Variants in DNAJC11 observed in about 807,000 individuals in gnomAD.
DNAJC11 encodes the protein DnaJ heat shock protein family (Hsp40) member C11.
In DNAJC11, 15 loss-of-function variants were observed where a neutral mutation model predicts 78.6. The observed-to-expected ratio is 0.19, with a 90% confidence interval of 0.13 to 0.29. The LOEUF (loss-of-function observed/expected upper bound fraction) is 0.29, where lower values mean the gene tolerates loss of function less well. DNAJC11 is among the 10% of genes least tolerant of loss of function. The pLI, the probability that DNAJC11 is intolerant of heterozygous loss-of-function variation, is 1.00. For synonymous variants in DNAJC11, 292 were observed against 272.1 expected (o/e 1.07, Z -0.72); for missense variants, 547 against 709.6 (o/e 0.77, Z 2.60).
intron 4 of DNAJC11, among the ~76,000 whole-genome samples, chr1:6,660,930 C>A (rs2281190): frequency 0.36 from 55,208 of 152,084 alleles, 10,391 homozygotes; most frequent in African/African-American, 0.43. Context: ...TATTTGTACT[C>A]GTTGAGTAGA....
chr1:6,659,160 T>A (rs897633823), intron 4 of DNAJC11, among the ~76,000 whole-genome samples: 7 of 152,336 alleles, frequency 4.6e-5, no homozygotes, highest in Admixed American at 3.9e-4. Flanking sequence ...GACTTGTTGC[T>A]ATTGGTTCTT....
intron 4 of DNAJC11, among the ~76,000 whole-genome samples, chr1:6,661,177 G>C (rs1179104315): frequency 6.6e-6 from 1 of 152,270 alleles, no homozygotes; most frequent in African/African-American, 2.4e-5. Context: ...CTGGCCATGA[G>C]GGTAACATAA....
intron 7 of DNAJC11, chr1:6,651,095 C>A (rs756759755): frequency 2.2e-5 from 12 of 534,780 alleles, no homozygotes; most frequent in Non-Finnish European, 3.4e-5. Flanking sequence ...ATGGCAGCAG[C>A]AGAGACGACA....
At chr1:6,684,818 G>A (rs1354052190) in intron 1 of DNAJC11, among the ~76,000 whole-genome samples, 1 of 152,148 alleles carries the variant, frequency 6.6e-6, no homozygotes, top group Non-Finnish European at 1.5e-5. Context: ...ATTAAGAAAT[G>A]TATCATACTT....
chr1:6,676,771 A>G (rs1184222624), intron 3 of DNAJC11, among the ~76,000 whole-genome samples: 1 of 152,206 alleles, frequency 6.6e-6, no homozygotes, highest in Non-Finnish European at 1.5e-5. Context: ...AAGGCAGGAA[A>G]GGAAATAGGA....
intron 3 of DNAJC11, among the ~76,000 whole-genome samples, chr1:6,669,331 G>GT (rs1642340634): frequency 6.6e-6 from 1 of 150,968 alleles, no homozygotes. Flanking sequence ...CCAACATGGT[G>GT]AAACCCTGTC....
rs1489945668 is a variant in DNAJC11 at position 6,653,937 on chromosome 1, T to C, written c.481A>G (p.Lys161Glu). ...GSSFPQIEIN[K>E]MHISQSIEAP... ...TCAATGGACTGGGATATGTGCATTT[T>C]ATTAATTTCAATCTGCGGAAAGCTA... is the stretch of plus-strand genomic sequence containing the variant. Residue 161 changes from lysine (K) to glutamate (E), a missense_variant, in exon 5 of 16, where the codon AAA (lysine) becomes GAA (glutamate). Transcript: ENST00000377577. This position sits in a 1 kb window ranked among gnomAD's most constrained non-coding sequence, Gnocchi z 4.5. The C allele has an allele frequency of 6.2e-7, 1 of 1,613,194 alleles. No individual in the cohort carries two copies. The highest frequency in any genetic ancestry group is 1.1e-5 in the South Asian group (1 of 91,076).
At chr1:6,647,966 T>G (rs551991582) in intron 7 of DNAJC11, among the ~76,000 whole-genome samples, 10 of 152,284 alleles carry the variant, frequency 6.6e-5, no homozygotes, top group Non-Finnish European at 1.2e-4. Context: ...AACCTGTAAA[T>G]GCTGATGATC....
chr1:6,686,156 A>G (rs943347447), intron 1 of DNAJC11, among the ~76,000 whole-genome samples: 13 of 152,248 alleles, frequency 8.5e-5, no homozygotes, highest in African/African-American at 2.7e-4. Context: ...ATCGATAGCT[A>G]TAATTCACAT....
In DNAJC11 at chr1:6,654,097, A is replaced by G. The variant is rs889783298; in HGVS notation, c.379-58T>C. On this transcript the variant is annotated intron_variant, in intron 4 of 15. Coordinates refer to ENST00000377577, the MANE Select transcript of DNAJC11 (RefSeq NM_018198.4). ...GGTGGTATTTGTGGAATGAAAGACA[A>G]TGCTACACTTCAACAGCCAGCTCGC... 1.1e-5 allele frequency: 17 copies of G among 1,591,242 alleles called. No homozygotes were observed. The Admixed American group carries it at 2.5e-4, about 24-fold the overall frequency.
chr1:6,661,246 A>G (rs1018234952), intron 4 of DNAJC11, among the ~76,000 whole-genome samples: 5 of 152,176 alleles, frequency 3.3e-5, no homozygotes, highest in African/African-American at 1.2e-4. Context: ...AATTCCACCA[A>G]AAGAGGTGAT....
intron 4 of DNAJC11, among the ~76,000 whole-genome samples, chr1:6,662,744 TAAATGGACCAACCGGCACTCTGTA>T (rs1246906962): frequency 6.6e-6 from 1 of 152,054 alleles, no homozygotes; most frequent in Non-Finnish European, 1.5e-5. Flanking sequence ...CAGCACTCTG[TAAATGGACCAACCGGCACTCTGTA>T]AAATGGACCA....
intron 4 of DNAJC11, among the ~76,000 whole-genome samples, chr1:6,666,079 A>T (rs1481697438): frequency 6.6e-6 from 1 of 152,112 alleles, no homozygotes; most frequent in Admixed American, 6.5e-5. Flanking sequence ...GTTGAGGGGG[A>T]GAGTGAGTAG....
chr1:6,639,021 G>C (rs1329850034), intron 11 of DNAJC11, among the ~76,000 whole-genome samples: 5 of 152,192 alleles, frequency 3.3e-5, no homozygotes, highest in African/African-American at 9.7e-5. Flanking sequence ...CAGAAGAGGA[G>C]ATTCATTCCT....
rs1474769912 is a variant in DNAJC11 at position 6,636,144 on chromosome 1, T to C, written c.1627A>G (p.Ser543Gly). The part of the protein sequence containing the change: ...GVLHQVMVLD[S>G]EALRIPKQSH... ...TGCTTTGGTATCCGGAGGGCCTCAC[T>C]GTCCAGCACCATCACCTGATGCAGG... is the stretch of plus-strand genomic sequence containing the variant. Residue 543 changes from serine to glycine, a missense_variant, in exon 15 of 16, where the codon AGT becomes GGT. Coordinates refer to ENST00000377577, the MANE Select transcript of DNAJC11 (RefSeq NM_018198.4). 10 of 1,614,130 alleles carry C rather than the reference T, an allele frequency of 6.2e-6. No individual in the cohort carries two copies. Among genetic ancestry groups the C allele is most frequent in the Non-Finnish European group, 5.9e-6 (7 of 1,180,004 alleles).
intron 4 of DNAJC11, among the ~76,000 whole-genome samples, chr1:6,656,408 TAAAG>T (rs1304304397): frequency 1.3e-5 from 2 of 152,030 alleles, no homozygotes; most frequent in Non-Finnish European, 2.9e-5. Flanking sequence ...AGATCATAAA[TAAAG>T]ATGATTTAGA....
chr1:6,634,691 G>GTGGAGGAAGGGTC lies in DNAJC11; in HGVS notation c.*971_*983dup. The GTGGAGGAAGGGTC allele has an allele frequency of 7.3e-7, 1 of 1,366,066 alleles. No homozygotes were observed. Among genetic ancestry groups the GTGGAGGAAGGGTC allele is most frequent in the Non-Finnish European group, 9.8e-7 (1 of 1,021,694 alleles). 84.6% of individuals were successfully genotyped at this position (1,366,066 alleles called of 1,614,324 possible). On this transcript the variant is annotated 3_prime_UTR_variant, in exon 16 of 16. Transcript: ENST00000377577. ...TGCATTCTGCATCCCAAGTGGGCACGTGGAGGAAGGGTCTGAAGGAAGGCT... is the reference window on the plus strand; with the variant it reads ...TGCATTCTGCATCCCAAGTGGGCACGTGGAGGAAGGGTCTGGAGGAAGGGTCTGAAGGAAGGCT...
At chr1:6,647,862 C>T (rs1403323137) in intron 7 of DNAJC11, among the ~76,000 whole-genome samples, 1 of 152,112 alleles carries the variant, frequency 6.6e-6, no homozygotes, top group African/African-American at 2.4e-5. Context: ...TCCTTGGTCA[C>T]ACATCACCCC....
chr1:6,644,802 T>C lies in DNAJC11; in HGVS notation c.981-128A>G, dbSNP rs1008660600. 40 of 853,276 alleles carry C rather than the reference T, an allele frequency of 4.7e-5. No homozygotes were observed. In the African/African-American group the frequency reaches 5.6e-4, roughly 12 times the overall value. 52.9% of individuals were successfully genotyped at this position (853,276 alleles called of 1,614,324 possible). A position where few individuals can be genotyped will look rare whatever the true frequency, so the allele number is the denominator to read the frequency against. On this transcript the variant is annotated intron_variant, in intron 9 of 15. Transcript: ENST00000377577. ...GCCTCCTCGACCCCCAGGGAGCAGA[T>C]TCATGACAGAAGAAAGTTGGGACAC...
Sources: allele counts gnomAD v4.1 joint callset (sites outside exome capture counted in the v4.1 genomes callset), GRCh38; gene constraint gnomAD v4.1.1; non-coding constraint Gnocchi (gnomAD v3.1); transcripts MANE v1.5; gene names NCBI Gene and HGNC (gene_info 2026-07-23, HGNC 2026-07-21).